NUFIP2: variants seen among roughly 807,000 people sequenced by gnomAD.
NUFIP2 encodes nuclear FMR1 interacting protein 2, also known as FMR1-interacting protein NUFIP2.
Under a neutral mutation model 56.9 loss-of-function variants are expected in NUFIP2, and 6 were observed. The ratio of observed to expected loss-of-function variants is 0.11; its 90% confidence interval spans 0.06 to 0.21. The LOEUF is 0.21. NUFIP2 is among the 10% of genes least tolerant of loss of function. NUFIP2 has a pLI of 1.00. For missense variants in NUFIP2, 828 were observed against 826.8 expected (o/e 1.00, Z -0.02); for synonymous variants, 321 against 298.2 (o/e 1.08, Z -0.79).
At chr17:29,292,573 G>A (rs1359719035) in intron 1 of NUFIP2, among the ~76,000 whole-genome samples, 1 of 151,306 alleles carries the variant, frequency 6.6e-6, no homozygotes, top group East Asian at 2.0e-4. Context: ...CCGGCCTCAG[G>A]CACCGCCTCT....
At chr17:29,269,898 T>G (rs1057343522) in intron 2 of NUFIP2, among the ~76,000 whole-genome samples, 1 of 152,138 alleles carries the variant, frequency 6.6e-6, no homozygotes, top group Non-Finnish European at 1.5e-5. Context: ...TTTTTTGTAT[T>G]TTTAGTAGAG....
chr17:29,259,998 A>T lies in NUFIP2; in HGVS notation c.*4541T>A, dbSNP rs904976240. 1 of 152,216 alleles carries T rather than the reference A, an allele frequency of 6.6e-6. No homozygotes were observed. The highest frequency in any genetic ancestry group is 2.4e-5 in the African/African-American group (1 of 41,442). The allele number at this position is 152,216 out of a possible 1,614,324, so 9.4% of individuals were successfully genotyped here. A position where few individuals can be genotyped will look rare whatever the true frequency, so the allele number is the denominator to read the frequency against. ...TTAAAAGAAACATTTTAAGATACCAAAACAGAAGCCCACCCTTTTCACCAT... is the reference window on the plus strand; with the variant it reads ...TTAAAAGAAACATTTTAAGATACCATAACAGAAGCCCACCCTTTTCACCAT... On this transcript the variant is annotated 3_prime_UTR_variant, in exon 4 of 4. Transcript: ENST00000225388.
intron 2 of NUFIP2, among the ~76,000 whole-genome samples, chr17:29,277,306 GCCACCACGTCTGAA>G (rs1270982030): frequency 1.3e-5 from 2 of 152,056 alleles, no homozygotes; most frequent in African/African-American, 2.4e-5. Context: ...ATTTGCATGT[GCCACCACGTCTGAA>G]CCTAGAACAT....
intron 2 of NUFIP2, among the ~76,000 whole-genome samples, chr17:29,270,054 A>G (rs1369584071): frequency 1.3e-5 from 2 of 151,956 alleles, no homozygotes; most frequent in African/African-American, 2.4e-5. Context: ...TTTTTACAGT[A>G]CTCTCAGCTT....
At chr17:29,293,753 C>T in intron 1 of NUFIP2, 30 bp downstream of exon 1, 6 of 1,463,476 alleles carry the variant, frequency 4.1e-6, no homozygotes, top group Non-Finnish European at 5.6e-6. Flanking sequence ...ACCCCCAACC[C>T]CCTTCCCCCA....
rs71135888 is a variant in NUFIP2, at chr17:29,276,029, A to AATATATATAT, written c.2003-8509_2003-8500dup. 3.1e-4 allele frequency among the ~76,000 whole-genome samples: 43 copies of AATATATATAT among 138,212 alleles called. 1 individual carries two copies. Among genetic ancestry groups the AATATATATAT allele is most frequent in the African/African-American group, 1.0e-3 (36 of 35,784 alleles). The allele number at this position is 138,212 out of a possible 152,430, so 90.7% of individuals were successfully genotyped here. A position where few individuals can be genotyped will look rare whatever the true frequency, so the allele number is the denominator to read the frequency against. On this transcript the variant is annotated intron_variant, in intron 2 of 3. Coordinates refer to ENST00000225388, the MANE Select transcript of NUFIP2 (RefSeq NM_020772.3). ...GGTGACAGAGTAAGACTCCGTCTCAAATATATATATATATATATATCTGAA... is the reference window on the plus strand; with the variant it reads ...GGTGACAGAGTAAGACTCCGTCTCAAATATATATATATATATATATATATATATATCTGAA...
At chr17:29,264,682 C>A in intron 3 of NUFIP2, 91 bp from the exon 4 acceptor site, 1 of 788,086 alleles carries the variant, frequency 1.3e-6, no homozygotes, top group South Asian at 1.5e-5. Flanking sequence ...ATCATTTAAA[C>A]TGACCAATTT....
chr17:29,274,863 G>A (rs887622222), intron 2 of NUFIP2, among the ~76,000 whole-genome samples: 1 of 151,952 alleles, frequency 6.6e-6, no homozygotes, highest in East Asian at 1.9e-4. Flanking sequence ...AAAAAATGGA[G>A]ATCTTAGAGA....
chr17:29,272,840 C>A, intron 2 of NUFIP2, among the ~76,000 whole-genome samples: 1 of 129,106 alleles, frequency 7.7e-6, no homozygotes, highest in East Asian at 2.2e-4. Flanking sequence ...GTAACTGATT[C>A]TTTTTTTTTT....
intron 3 of NUFIP2, among the ~76,000 whole-genome samples, chr17:29,266,398 C>T (rs1398157634): frequency 6.6e-6 from 1 of 152,002 alleles, no homozygotes; most frequent in Non-Finnish European, 1.5e-5. Context: ...TTCTAGTTTA[C>T]AGGAACCTCA....
intron 2 of NUFIP2, among the ~76,000 whole-genome samples, chr17:29,273,251 C>T (rs2069087063): frequency 6.6e-6 from 1 of 152,136 alleles, no homozygotes; most frequent in African/African-American, 2.4e-5. Flanking sequence ...ACTGGCCAGG[C>T]TGGTCTTGGA....
intron 3 of NUFIP2, 109 bp from the exon 4 acceptor site, chr17:29,264,700 A>G (rs895691811): frequency 1.3e-5 from 8 of 630,538 alleles, no homozygotes; most frequent in Non-Finnish European, 1.7e-5. Context: ...TTTTTTTATG[A>G]AAACAAAACT....
At chr17:29,282,822 A>G (rs1049125048) in intron 2 of NUFIP2, among the ~76,000 whole-genome samples, 13 of 152,164 alleles carry the variant, frequency 8.5e-5, no homozygotes, top group African/African-American at 2.9e-4. Flanking sequence ...CTTAAAGGAT[A>G]TTCCAGTAGC....
chr17:29,293,471 G>C (rs867513700), intron 1 of NUFIP2, among the ~76,000 whole-genome samples: 1 of 152,160 alleles, frequency 6.6e-6, no homozygotes, highest in Non-Finnish European at 1.5e-5. Context: ...AGGGACGCAG[G>C]GAGGTGAATG....
rs950042493 is a variant in NUFIP2 at position 29,261,221 on chromosome 17, T to C, written c.*3318A>G. On this transcript the variant is annotated 3_prime_UTR_variant, in exon 4 of 4. Transcript: ENST00000225388. The stretch of plus-strand genomic sequence containing the variant: ...AGCTATTAAAAAAATAGGTCATAAT[T>C]TCATTCTTAGTGCCATTTTTCAATA... 13 of 152,120 alleles carry C rather than the reference T, an allele frequency of 8.5e-5. No individual in the cohort carries two copies. Among genetic ancestry groups the C allele is most frequent in the Non-Finnish European group, 1.5e-4 (10 of 67,980 alleles). 9.4% of individuals were successfully genotyped at this position (152,120 alleles called of 1,614,324 possible).
At chr17:29,285,881 T>G in intron 2 of NUFIP2, 111 bp downstream of exon 2, 1 of 817,506 alleles carries the variant, frequency 1.2e-6, no homozygotes, top group Non-Finnish European at 1.9e-6. Context: ...ACATTGTCAT[T>G]CTCTTAAAAT....
In NUFIP2 at chr17:29,294,030, A is replaced by T; in HGVS notation, c.30T>A (p.Pro10=). The stretch of plus-strand genomic sequence containing the variant: ...GATGGTGGTGGCTGTGATGGTGCTG[A>T]GGCTGTGGCTGGCCGGGCTTCTCCT... The part of the protein sequence containing the change: MEEKPGQPQ[P]QHHHSHHHPH... The change falls in exon 1 of 4, where the codon CCT becomes CCA. Residue 10 remains proline, a synonymous_variant. Transcript: ENST00000225388. 6.2e-7 allele frequency: 1 copy of T among 1,607,554 alleles called. No homozygotes were observed. Among genetic ancestry groups the T allele is most frequent in the Non-Finnish European group, 8.5e-7 (1 of 1,175,564 alleles).
chr17:29,283,041 T>C (rs1196583623), intron 2 of NUFIP2, among the ~76,000 whole-genome samples: 1 of 152,172 alleles, frequency 6.6e-6, no homozygotes, highest in Non-Finnish European at 1.5e-5. Context: ...GGTAAAAATT[T>C]TGATGCCAAT....
chr17:29,268,405 TG>T (rs2069051559), intron 2 of NUFIP2, among the ~76,000 whole-genome samples: 1 of 152,240 alleles, frequency 6.6e-6, no homozygotes, highest in Admixed American at 6.5e-5. Flanking sequence ...CCAAATTTTT[TG>T]AACAAAGCAT....
Sources: gnomAD v4.1 joint callset for allele counts (sites outside exome capture counted in the v4.1 genomes callset) on GRCh38, gnomAD v4.1.1 for gene constraint, MANE v1.5 for transcripts, NCBI Gene and HGNC (gene_info 2026-07-23, HGNC 2026-07-21) for gene names.